Variants in SYT16 observed in about 807,000 individuals in gnomAD.
SYT16 encodes the protein synaptotagmin 16.
Under a neutral mutation model 61.4 loss-of-function variants are expected in SYT16, and 42 were observed. That is an observed-to-expected ratio of 0.68 (90% CI 0.53 to 0.89). The LOEUF (loss-of-function observed/expected upper bound fraction) is 0.89, where lower values mean the gene tolerates loss of function less well. Among genes scored for constraint, SYT16 ranks in the 40% least tolerant of loss-of-function variants. The pLI, the probability that SYT16 is intolerant of heterozygous loss-of-function variation, is 0.00. For synonymous variants in SYT16, 314 were observed against 302.3 expected, an observed-to-expected ratio of 1.04 and a Z score of -0.40; for missense variants, 804 against 807.3, an observed-to-expected ratio of 1.00 and a Z score of 0.05.
chr14:61,937,966 G>A (rs2050048928), intron 1 of SYT16, among the ~76,000 whole-genome samples: 1 of 148,762 alleles, frequency 6.7e-6, no homozygotes, highest in South Asian at 2.1e-4. Flanking sequence ...AGTCCATTGA[G>A]GAATACCCAT....
intron 1 of SYT16, among the ~76,000 whole-genome samples, chr14:61,845,598 G>GAATTTTGTTTA (rs1204528721): frequency 2.0e-5 from 3 of 151,902 alleles, no homozygotes; most frequent in African/African-American, 7.2e-5. Flanking sequence ...TTCTTAGTCT[G>GAATTTTGTTTA]GCTAAAGGTT....
chr14:61,832,453 C>T (rs1048077999), intron 1 of SYT16: 5 of 414,748 alleles, frequency 1.2e-5, no homozygotes, highest in Admixed American at 5.3e-5. Flanking sequence ...TTTTCTTTTC[C>T]GAGACGGAGT....
At chr14:62,054,289 C>T (rs1228819507) in intron 3 of SYT16, among the ~76,000 whole-genome samples, 2 of 148,782 alleles carry the variant, frequency 1.3e-5, no homozygotes, top group Admixed American at 1.3e-4. Flanking sequence ...CACCAAATAT[C>T]TGATCTACAG....
intron 1 of SYT16, among the ~76,000 whole-genome samples, chr14:61,878,693 T>C (rs2047588754): frequency 6.6e-6 from 1 of 152,192 alleles, no homozygotes; most frequent in South Asian, 2.1e-4. Context: ...TGTACTTGCC[T>C]CTCTTCCTAT....
intron 1 of SYT16, among the ~76,000 whole-genome samples, chr14:61,962,011 C>G (rs1213807919): frequency 1.3e-5 from 2 of 152,088 alleles, no homozygotes; most frequent in African/African-American, 4.8e-5. Flanking sequence ...TAAACTAACA[C>G]AGGGACAGAA....
chr14:62,008,964 G>A (rs984223775), intron 3 of SYT16, among the ~76,000 whole-genome samples: 1 of 151,980 alleles, frequency 6.6e-6, no homozygotes, highest in African/African-American at 2.4e-5. Context: ...TTATTTAGAT[G>A]GTATGTATGA....
intron 1 of SYT16, among the ~76,000 whole-genome samples, chr14:61,905,402 A>G (rs997387600): frequency 6.6e-6 from 1 of 152,248 alleles, no homozygotes; most frequent in Non-Finnish European, 1.5e-5. Flanking sequence ...AATTGCTGCA[A>G]TTACTTATGC....
At chr14:61,923,285 T>G (rs1352217813) in intron 1 of SYT16, among the ~76,000 whole-genome samples, 2 of 151,196 alleles carry the variant, frequency 1.3e-5, no homozygotes, top group African/African-American at 4.9e-5. Context: ...AGCAGAATTA[T>G]TCATCACTTT....
At chr14:61,927,145 T>C (rs890972708) in intron 1 of SYT16, among the ~76,000 whole-genome samples, 3 of 152,230 alleles carry the variant, frequency 2.0e-5, no homozygotes, top group Non-Finnish European at 2.9e-5. Flanking sequence ...GTTTTACCTA[T>C]GCAAAAGCAG....
chr14:61,874,803 T>C (rs2140309388), intron 1 of SYT16, among the ~76,000 whole-genome samples: 1 of 152,112 alleles, frequency 6.6e-6, no homozygotes, highest in East Asian at 1.9e-4. Flanking sequence ...TCTAACACTT[T>C]GCACATAAGA....
intron 3 of SYT16, among the ~76,000 whole-genome samples, chr14:62,066,272 C>G (rs1317108729): frequency 6.6e-6 from 1 of 152,210 alleles, no homozygotes; most frequent in African/African-American, 2.4e-5. Flanking sequence ...TTCTCCAGCA[C>G]TATGATTAGA....
chr14:61,863,094 T>G (rs917967784), intron 1 of SYT16, among the ~76,000 whole-genome samples: 1 of 152,232 alleles, frequency 6.6e-6, no homozygotes, highest in African/African-American at 2.4e-5. Flanking sequence ...CATGTGCAGT[T>G]TTTTGTGTGG....
intron 1 of SYT16, among the ~76,000 whole-genome samples, chr14:61,857,209 A>G (rs1325720790): frequency 2.0e-5 from 3 of 152,186 alleles, no homozygotes; most frequent in South Asian, 2.1e-4. Context: ...TTTTCTGCTC[A>G]GACAATGGGA....
chr14:61,869,273 T>A (rs1002818933), intron 1 of SYT16, among the ~76,000 whole-genome samples: 1 of 152,104 alleles, frequency 6.6e-6, no homozygotes, highest in African/African-American at 2.4e-5. Context: ...CCATTTAAGG[T>A]TGGATTTAAA....
chr14:61,972,494 G>C (rs2051603261), intron 2 of SYT16, among the ~76,000 whole-genome samples: 2 of 152,206 alleles, frequency 1.3e-5, no homozygotes, highest in Admixed American at 1.3e-4. Flanking sequence ...GTGGGGTCAT[G>C]TAAAGGGAGC....
At chr14:61,837,559 AATCGGC>A (rs1418509510) in intron 1 of SYT16, among the ~76,000 whole-genome samples, 1 of 152,136 alleles carries the variant, frequency 6.6e-6, no homozygotes, top group Non-Finnish European at 1.5e-5. Context: ...GGAGCTGGGG[AATCGGC>A]ATCTGAAAGC....
intron 1 of SYT16, among the ~76,000 whole-genome samples, chr14:61,911,622 T>TA (rs2048938536): frequency 6.6e-6 from 1 of 152,170 alleles, no homozygotes; most frequent in Non-Finnish European, 1.5e-5. Flanking sequence ...CACAGCAGCT[T>TA]AAAAAATTGA....
chr14:61,900,297 A>G (rs1445902441), intron 1 of SYT16, among the ~76,000 whole-genome samples: 1 of 151,582 alleles, frequency 6.6e-6, no homozygotes, highest in Non-Finnish European at 1.5e-5. Context: ...TAGCTGGATT[A>G]TAGGTGCCTT....
At chr14:62,112,814 G>T (rs2057628192), downstream of SYT16, among the ~76,000 whole-genome samples, 1 of 152,168 alleles carries the variant, frequency 6.6e-6, no homozygotes. Context: ...ATGCTGACTT[G>T]AAGAACATCA....
Sources: gnomAD v4.1 joint callset for allele counts (sites outside exome capture counted in the v4.1 genomes callset) on GRCh38, gnomAD v4.1.1 for gene constraint, MANE v1.5 for transcripts, NCBI Gene and HGNC (gene_info 2026-07-23, HGNC 2026-07-21) for gene names.